The following ABLIM1 variants were observed in gnomAD, a reference collection of about 807,000 sequenced individuals.
ABLIM1 encodes the protein actin-binding LIM protein 1.
A neutral mutation model predicts 107.0 loss-of-function variants in ABLIM1; 40 were observed. The observed-to-expected ratio is 0.37, with a 90% confidence interval of 0.29 to 0.49. ABLIM1 has a LOEUF of 0.49. ABLIM1 is among the 20% of genes least tolerant of loss of function. The pLI is 0.97. For synonymous variants in ABLIM1, 357 were observed against 357.3 expected (o/e 1.00, Z 0.01); for missense variants, 857 against 1,008.5 (o/e 0.85, Z 2.04).
chr10:114,736,897 T>A (rs2082191412), intron 1 of ABLIM1, among the ~76,000 whole-genome samples: 2 of 152,118 alleles, frequency 1.3e-5, no homozygotes, highest in African/African-American at 4.8e-5. Context: ...GATCAGAATT[T>A]GGGAGAATTG....
chr10:114,798,582 TA>T, the ABLIM1 span, among the ~76,000 whole-genome samples: 3 of 133,904 alleles, frequency 2.2e-5, no homozygotes, highest in South Asian at 5.3e-4. Flanking sequence ...TACAAAAATT[TA>T]AAAAAAAAAT....
intron 2 of ABLIM1, among the ~76,000 whole-genome samples, chr10:114,576,611 C>T (rs1447346802): frequency 6.6e-6 from 1 of 152,160 alleles, no homozygotes; most frequent in African/African-American, 2.4e-5. Flanking sequence ...GTTCCCATGA[C>T]TCCTTAATTC....
At position 114,468,915 on chromosome 10, in the gene ABLIM1, G is replaced by A. The variant is rs186945930; in HGVS notation, c.1276-699C>T. ...AAACTACAAAAAATTAGCCAGGCGC[G>A]GTGGCGGGCGCCTGTAGTCCCAGCT... On this transcript the variant is annotated intron_variant, in intron 10 of 22. Coordinates refer to ENST00000533213, the MANE Select transcript of ABLIM1 (RefSeq NM_002313.7). Among the ~76,000 whole-genome samples the A allele has an allele frequency of 2.6e-3, 399 of 152,096 alleles. 1 individual carries two copies. Among genetic ancestry groups the A allele is most frequent in the African/African-American group, 6.3e-3 (263 of 41,514 alleles).
chr10:114,596,698 A>C (rs916164627), intron 2 of ABLIM1, among the ~76,000 whole-genome samples: 1 of 152,188 alleles, frequency 6.6e-6, no homozygotes, highest in Non-Finnish European at 1.5e-5. Flanking sequence ...TTGTGCTATC[A>C]ACTCTAACTC....
chr10:114,547,795 C>T lies in ABLIM1; in HGVS notation c.674-19G>A. The T allele has an allele frequency of 6.2e-7, 1 of 1,604,178 alleles. No individual in the cohort carries two copies. The highest frequency in any genetic ancestry group is 8.5e-7 in the Non-Finnish European group (1 of 1,179,760). On this transcript the variant is annotated intron_variant, in intron 4 of 22. Transcript: ENST00000533213. ...GCACAATCTGAAAAAGAGCAGCCGC[C>T]AGTGGTTACTACACATTTCCTTTGC...
intron 6 of ABLIM1, among the ~76,000 whole-genome samples, chr10:114,509,771 T>A (rs1487738901): frequency 3.3e-5 from 5 of 152,152 alleles, no homozygotes; most frequent in Non-Finnish European, 1.5e-5. Flanking sequence ...TCAAATATGT[T>A]AACCTGCCTG....
intron 1 of ABLIM1, among the ~76,000 whole-genome samples, chr10:114,613,322 G>A (rs1048336860): frequency 2.0e-5 from 3 of 152,216 alleles, no homozygotes; most frequent in Non-Finnish European, 4.4e-5. Flanking sequence ...GCAGTGGGGA[G>A]CTCTAACCTG....
At chr10:114,622,005 A>G (rs2077494479) in intron 1 of ABLIM1, among the ~76,000 whole-genome samples, 1 of 152,138 alleles carries the variant, frequency 6.6e-6, no homozygotes, top group African/African-American at 2.4e-5. Flanking sequence ...TCCAATCCCC[A>G]TCAGTCCTAA....
chr10:114,593,028 C>CTAGAAAGTAGACAGGGAGAAGAGG (rs140420642), intron 2 of ABLIM1, among the ~76,000 whole-genome samples: 105,194 of 151,830 alleles, frequency 0.69, 36,892 homozygotes, highest in Middle Eastern at 0.77. Flanking sequence ...GATGAGGTCA[C>CTAGAAAGTAGACAGGGAGAAGAGG]TCTGAGTATG....
intron 6 of ABLIM1, among the ~76,000 whole-genome samples, chr10:114,531,142 C>T (rs2065407320): frequency 6.6e-6 from 1 of 152,242 alleles, no homozygotes; most frequent in South Asian, 2.1e-4. Flanking sequence ...TCCCATATAA[C>T]TACATCAGAG....
chr10:114,630,170 G>A (rs924598963), intron 1 of ABLIM1, among the ~76,000 whole-genome samples: 6 of 152,258 alleles, frequency 3.9e-5, no homozygotes, highest in African/African-American at 1.4e-4. Context: ...TATATAGCAA[G>A]GCTAGGTCTT....
intron 1 of ABLIM1, among the ~76,000 whole-genome samples, chr10:114,675,187 T>C (rs951653010): frequency 6.6e-6 from 1 of 152,136 alleles, no homozygotes; most frequent in African/African-American, 2.4e-5. Flanking sequence ...GAGCCCCATG[T>C]TGATGACTCC....
intron 2 of ABLIM1, among the ~76,000 whole-genome samples, chr10:114,586,435 G>C (rs4998667): frequency 0.19 from 28,166 of 152,168 alleles, 2,776 homozygotes; most frequent in Middle Eastern, 0.3. Context: ...ATAATTAAAG[G>C]GTTGGGAAGG....
intron 7 of ABLIM1, among the ~76,000 whole-genome samples, chr10:114,490,972 A>ATGTGTG (rs1565576792): frequency 5.9e-5 from 5 of 85,032 alleles, no homozygotes; most frequent in African/African-American, 1.9e-4. Context: ...CCCGGCATAT[A>ATGTGTG]TATGTGTGTG....
chr10:114,725,728 A>G (rs2081943976), intron 1 of ABLIM1, among the ~76,000 whole-genome samples: 1 of 141,552 alleles, frequency 7.1e-6, no homozygotes, highest in Admixed American at 7.5e-5. Flanking sequence ...CATATGATAT[A>G]TATAAAATGT....
the ABLIM1 span, among the ~76,000 whole-genome samples, chr10:114,780,284 T>G: frequency 1.3e-5 from 2 of 152,116 alleles, no homozygotes; most frequent in Non-Finnish European, 2.9e-5. Flanking sequence ...TGGGAAGAAA[T>G]CAAGTGGCTC....
the ABLIM1 span, among the ~76,000 whole-genome samples, chr10:114,798,912 C>T: frequency 0.018 from 2,775 of 152,134 alleles, 82 homozygotes; most frequent in African/African-American, 0.064. Context: ...TCTCCTGCCT[C>T]AGCCTCCCAA....
chr10:114,567,928 C>G (rs186490638), intron 4 of ABLIM1, among the ~76,000 whole-genome samples: 1 of 152,078 alleles, frequency 6.6e-6, no homozygotes, highest in Admixed American at 6.5e-5. Flanking sequence ...CGGTGGCTCA[C>G]GCCTGTAATC....
the ABLIM1 span, among the ~76,000 whole-genome samples, chr10:114,773,654 G>A: frequency 3.9e-5 from 6 of 152,092 alleles, no homozygotes; most frequent in Admixed American, 2.0e-4. Flanking sequence ...CTCAGAAGGC[G>A]GAGGATGCAG....
Sources: gnomAD v4.1 joint callset for allele counts (sites outside exome capture counted in the v4.1 genomes callset) on GRCh38, gnomAD v4.1.1 for gene constraint, MANE v1.5 for transcripts, NCBI Gene and HGNC (gene_info 2026-07-23, HGNC 2026-07-21) for gene names.